MAGOH: variants seen among roughly 807,000 people sequenced by gnomAD.
MAGOH encodes the protein protein mago nashi homolog.
In MAGOH, 3 loss-of-function variants were observed where a neutral mutation model predicts 20.9. That is an observed-to-expected ratio of 0.14 (90% CI 0.07 to 0.37). The LOEUF (loss-of-function observed/expected upper bound fraction) is 0.37, where lower values mean the gene tolerates loss of function less well. Ranked by LOEUF, MAGOH falls within the 10% of genes least tolerant of loss-of-function variation. The pLI is 1.00. For synonymous variants in MAGOH, 51 were observed against 61.0 expected (o/e 0.84, Z 0.76); for missense variants, 66 against 178.1 (o/e 0.37, Z 3.58).
intron 1 of MAGOH, among the ~76,000 whole-genome samples, 153 bp downstream of exon 1, chr1:53,238,208 G>C (rs540869714): frequency 2.0e-5 from 3 of 152,294 alleles, no homozygotes; most frequent in Admixed American, 6.5e-5. Flanking sequence ...AGACCCCGTG[G>C]AGCAGACACA....
intron 3 of MAGOH, among the ~76,000 whole-genome samples, chr1:53,232,248 A>G (rs1260547867): frequency 6.6e-6 from 1 of 152,210 alleles, no homozygotes. Flanking sequence ...CATCATTTTG[A>G]GATTATTAGG....
At chr1:53,231,939 A>G (rs1370396818) in intron 3 of MAGOH, among the ~76,000 whole-genome samples, 1 of 152,178 alleles carries the variant, frequency 6.6e-6, no homozygotes, top group African/African-American at 2.4e-5. Flanking sequence ...AAGCCCTTTC[A>G]AGTTTTGTAC....
intron 1 of MAGOH, among the ~76,000 whole-genome samples, 160 bp downstream of exon 1, chr1:53,238,200 AC>A (rs1277933506): frequency 6.6e-6 from 1 of 152,088 alleles, no homozygotes; most frequent in East Asian, 1.9e-4. Context: ...GGATAGAAAG[AC>A]CCCGTGGAGC....
intron 4 of MAGOH, 144 bp downstream of exon 4, chr1:53,228,728 C>A: frequency 3.0e-6 from 2 of 658,802 alleles, no homozygotes; most frequent in South Asian, 1.7e-5. Context: ...ATTTGGGGTT[C>A]CTCCCTAACA....
At chr1:53,229,510 T>G (rs1289398219) in intron 3 of MAGOH, among the ~76,000 whole-genome samples, 1 of 152,200 alleles carries the variant, frequency 6.6e-6, no homozygotes, top group Non-Finnish European at 1.5e-5. Flanking sequence ...TGCCTCAGCC[T>G]CTCAAGTGCT....
At position 53,238,510 on chromosome 1, in the gene MAGOH, C is replaced by A; in HGVS notation, c.-62G>T. On this transcript the variant is annotated 5_prime_UTR_variant, in exon 1 of 5. Coordinates refer to ENST00000371470, the MANE Select transcript of MAGOH (RefSeq NM_002370.4). ...GCAAGCCGCACTGCCGCCGTCTGCGCCCGACACTGACGTTTGCGGCGGCGC... is the reference window on the plus strand; with the variant it reads ...GCAAGCCGCACTGCCGCCGTCTGCGACCGACACTGACGTTTGCGGCGGCGC... 6.8e-7 allele frequency: 1 copy of A among 1,463,598 alleles called. No individual in the cohort carries two copies. The highest frequency in any genetic ancestry group is 1.1e-5 in the South Asian group (1 of 88,052). The allele number at this position is 1,463,598 out of a possible 1,614,324, so 90.7% of individuals were successfully genotyped here. A position where few individuals can be genotyped will look rare whatever the true frequency, so the allele number is the denominator to read the frequency against.
At chr1:53,228,737 CAAG>C (rs1388319485) in intron 4 of MAGOH, 132 bp downstream of exon 4, 10 of 685,328 alleles carry the variant, frequency 1.5e-5, no homozygotes, top group East Asian at 2.7e-5. Context: ...TCCTCCCTAA[CAAG>C]AAGGACAAAG....
At chr1:53,235,460 A>G (rs1645606240) in intron 2 of MAGOH, 117 bp downstream of exon 2, 2 of 835,204 alleles carry the variant, frequency 2.4e-6, no homozygotes, top group African/African-American at 3.4e-5. Flanking sequence ...GTCTACAGAC[A>G]TGTGTCTCTC....
chr1:53,228,830 C>T, intron 4 of MAGOH, 42 bp downstream of exon 4: 1 of 1,461,484 alleles, frequency 6.8e-7, no homozygotes, highest in Non-Finnish European at 9.6e-7. Flanking sequence ...TCAATCTGCT[C>T]CAAAACAGAC....
chr1:53,238,192 A>G (rs561079325), intron 1 of MAGOH, among the ~76,000 whole-genome samples, 169 bp downstream of exon 1: 1 of 152,276 alleles, frequency 6.6e-6, no homozygotes, highest in Non-Finnish European at 1.5e-5. Flanking sequence ...TGCTGAATGG[A>G]TAGAAAGACC....
chr1:53,231,937 T>G (rs367928880), intron 3 of MAGOH, among the ~76,000 whole-genome samples: 42 of 152,340 alleles, frequency 2.8e-4, no homozygotes, highest in East Asian at 9.6e-4. Flanking sequence ...TAAAGCCCTT[T>G]CAAGTTTTGT....
At chr1:53,232,095 G>A (rs563060290) in intron 3 of MAGOH, among the ~76,000 whole-genome samples, 6 of 152,186 alleles carry the variant, frequency 3.9e-5, no homozygotes, top group Non-Finnish European at 5.9e-5. Context: ...ATGGTAGAAC[G>A]AGTTAATAGA....
intron 3 of MAGOH, among the ~76,000 whole-genome samples, chr1:53,232,926 C>A (rs1390835382): frequency 6.6e-6 from 1 of 152,132 alleles, no homozygotes; most frequent in Non-Finnish European, 1.5e-5. Flanking sequence ...CATGGTGAAA[C>A]GCCATCTCTA....
At chr1:53,237,755 C>T (rs1250843584) in intron 1 of MAGOH, among the ~76,000 whole-genome samples, 1 of 150,104 alleles carries the variant, frequency 6.7e-6, no homozygotes, top group Non-Finnish European at 1.5e-5. Context: ...CCGCTCCTAC[C>T]TACCTATCCG....
chr1:53,229,667 C>T (rs1227764540), intron 3 of MAGOH, among the ~76,000 whole-genome samples: 1 of 152,012 alleles, frequency 6.6e-6, no homozygotes, highest in African/African-American at 2.4e-5. Flanking sequence ...ACCTGTAATC[C>T]CAGCAGTTTG....
intron 3 of MAGOH, among the ~76,000 whole-genome samples, chr1:53,230,593 G>GTT (rs77270897): frequency 2.1e-5 from 3 of 143,444 alleles, no homozygotes; most frequent in Admixed American, 7.0e-5. Context: ...AATTTTTAGG[G>GTT]TTTTTTTTTT....
At chr1:53,234,584 C>A (rs1435679515) in intron 2 of MAGOH, among the ~76,000 whole-genome samples, 1 of 152,026 alleles carries the variant, frequency 6.6e-6, no homozygotes, top group Admixed American at 6.6e-5. Context: ...CCGTATTAGC[C>A]AGGATGGTCT....
chr1:53,235,513 C>T, intron 2 of MAGOH, 64 bp downstream of exon 2: 1 of 1,380,448 alleles, frequency 7.2e-7, no homozygotes. Context: ...ACAATAAAAA[C>T]AATGCAAGAC....
intron 4 of MAGOH, among the ~76,000 whole-genome samples, chr1:53,228,619 C>T (rs1645571886): frequency 1.3e-5 from 2 of 152,124 alleles, no homozygotes. Context: ...CTTCTGGCTG[C>T]TCCTATGCAT....
Sources: gnomAD v4.1 joint callset for allele counts (sites outside exome capture counted in the v4.1 genomes callset) on GRCh38, gnomAD v4.1.1 for gene constraint, MANE v1.5 for transcripts, NCBI Gene and HGNC (gene_info 2026-07-23, HGNC 2026-07-21) for gene names.